The following CPT1A variants were observed in gnomAD, a reference collection of about 807,000 sequenced individuals.
The protein encoded by CPT1A is carnitine O-palmitoyltransferase 1, liver isoform.
A neutral mutation model predicts 100.8 loss-of-function variants in CPT1A; 64 were observed. That is an observed-to-expected ratio of 0.63 (90% CI 0.52 to 0.78). The LOEUF (loss-of-function observed/expected upper bound fraction) is 0.78, where lower values mean the gene tolerates loss of function less well. Among genes scored for constraint, CPT1A ranks in the 30% least tolerant of loss-of-function variants. The pLI is 0.00. For synonymous variants in CPT1A, 363 were observed against 396.0 expected (o/e 0.92, Z 0.99); for missense variants, 802 against 1,034.1 (o/e 0.78, Z 3.08).
At chr11:68,824,026 C>T (rs1856656302) in intron 1 of CPT1A, among the ~76,000 whole-genome samples, 4 of 152,056 alleles carry the variant, frequency 2.6e-5, no homozygotes, top group African/African-American at 9.7e-5. Flanking sequence ...GTGGGCAGAT[C>T]ACCTGAGGTC....
intron 1 of CPT1A, among the ~76,000 whole-genome samples, chr11:68,827,264 T>C (rs568043859): frequency 6.6e-6 from 1 of 151,864 alleles, no homozygotes; most frequent in African/African-American, 2.4e-5. Context: ...GCCCGGGAGG[T>C]TGAGGCTACA....
At chr11:68,810,220 T>C (rs985369512) in intron 3 of CPT1A, among the ~76,000 whole-genome samples, 1 of 151,906 alleles carries the variant, frequency 6.6e-6, no homozygotes, top group Non-Finnish European at 1.5e-5. Flanking sequence ...CATGAGAGAA[T>C]GAAAAGTACG....
At chr11:68,774,378 A>G (rs1855084568) in intron 13 of CPT1A, among the ~76,000 whole-genome samples, 1 of 152,068 alleles carries the variant, frequency 6.6e-6, no homozygotes, top group African/African-American at 2.4e-5. Flanking sequence ...AAATAGTCAC[A>G]CGTCATCTTA....
At chr11:68,759,791 G>A (rs1594314814) in intron 17 of CPT1A, 130 bp from the exon 18 acceptor site, 7 of 741,278 alleles carry the variant, frequency 9.4e-6, no homozygotes, top group Non-Finnish European at 1.2e-5. Flanking sequence ...ATTTTGGGAG[G>A]CTGAGGCAGG....
At chr11:68,791,469 G>A (rs1162547779) in intron 9 of CPT1A, among the ~76,000 whole-genome samples, 1 of 152,250 alleles carries the variant, frequency 6.6e-6, no homozygotes, top group Non-Finnish European at 1.5e-5. Flanking sequence ...GGACGACAGT[G>A]TGTGGCAGGA....
chr11:68,830,833 C>T (rs182482555), intron 1 of CPT1A, among the ~76,000 whole-genome samples: 34 of 152,354 alleles, frequency 2.2e-4, no homozygotes, highest in African/African-American at 7.9e-4. Context: ...CTACAAGAGA[C>T]ATTTAGCAAT....
intron 6 of CPT1A, among the ~76,000 whole-genome samples, chr11:68,797,786 TG>T (rs1855792417): frequency 6.6e-6 from 1 of 152,158 alleles, no homozygotes; most frequent in South Asian, 2.1e-4. Context: ...CGGACCTGCC[TG>T]GCCAACATGA....
At chr11:68,839,514 G>C in intron 1 of CPT1A, 1 of 985,494 alleles carries the variant, frequency 1.0e-6, no homozygotes, top group Non-Finnish European at 1.2e-6. Flanking sequence ...GCGCGTCCCT[G>C]TGGCCACCCC....
chr11:68,774,812 G>A (rs1464132997), intron 13 of CPT1A, among the ~76,000 whole-genome samples: 1 of 150,618 alleles, frequency 6.6e-6, no homozygotes, highest in African/African-American at 2.4e-5. Flanking sequence ...AAAAGAAAAT[G>A]GTATCTTGGA....
intron 2 of CPT1A, among the ~76,000 whole-genome samples, chr11:68,813,755 A>T (rs995917657): frequency 6.6e-6 from 1 of 151,958 alleles, no homozygotes; most frequent in Admixed American, 6.6e-5. Context: ...ACTGGGTTGA[A>T]TATGATGGCC....
At chr11:68,768,821 T>A (rs978935571) in intron 14 of CPT1A, among the ~76,000 whole-genome samples, 6 of 152,226 alleles carry the variant, frequency 3.9e-5, no homozygotes, top group Admixed American at 3.9e-4. Flanking sequence ...TGTTTCCAAC[T>A]GTGTGGTCTG....
At position 68,841,575 on chromosome 11, in the gene CPT1A, G is replaced by GC. The variant is rs1169082792; in HGVS notation, c.-14+199dup. ...CCCAATCCCCTGGGGAACATGGGGA[G>GC]CCCCGGCCTCTTTCTGGGTTCAGGA... On this transcript the variant is annotated intron_variant, in intron 1 of 18. Coordinates refer to ENST00000265641, the MANE Select transcript of CPT1A (RefSeq NM_001876.4). This position sits in a 1 kb window ranked among gnomAD's most constrained non-coding sequence, Gnocchi z 6.3. Among the ~76,000 whole-genome samples the GC allele has an allele frequency of 6.6e-6, 1 of 152,176 alleles. No homozygotes were observed. Among genetic ancestry groups the GC allele is most frequent in the Non-Finnish European group, 1.5e-5 (1 of 68,014 alleles).
chr11:68,822,959 G>A (rs1856624991), intron 1 of CPT1A, among the ~76,000 whole-genome samples: 1 of 152,310 alleles, frequency 6.6e-6, no homozygotes, highest in South Asian at 2.1e-4. Context: ...TCATGGGTAA[G>A]GAGTTGGGGG....
intron 1 of CPT1A, among the ~76,000 whole-genome samples, chr11:68,836,136 G>A (rs918831542): frequency 1.6e-4 from 25 of 152,164 alleles, no homozygotes; most frequent in African/African-American, 5.8e-4. Context: ...TGTGCAAACT[G>A]TACTGGACAT....
chr11:68,772,242 A>T (rs1417107917), intron 14 of CPT1A, among the ~76,000 whole-genome samples: 1 of 152,104 alleles, frequency 6.6e-6, no homozygotes, highest in Non-Finnish European at 1.5e-5. Context: ...AATCCCAGCT[A>T]CTCGGGAGGC....
intron 10 of CPT1A, among the ~76,000 whole-genome samples, chr11:68,784,276 T>A (rs1444584713): frequency 6.6e-6 from 1 of 152,200 alleles, no homozygotes; most frequent in Admixed American, 6.5e-5. Context: ...GAAAGGCTAA[T>A]CCTGGCCAGG....
Position 68,757,669 on chromosome 11 carries a change from CCAAA to C in CPT1A, c.2293_2296del (p.Phe765ValfsTer22). 1 of 1,614,078 alleles carries C rather than the reference CCAAA, an allele frequency of 6.2e-7. No homozygotes were observed. Among genetic ancestry groups the C allele is most frequent in the Non-Finnish European group, 8.5e-7 (1 of 1,180,002 alleles). On this transcript the variant is annotated frameshift_variant, in exon 19 of 19. Coordinates refer to ENST00000265641, the MANE Select transcript of CPT1A (RefSeq NM_001876.4). LOFTEE classifies it high-confidence loss of function. ...TTACTTTTTGGAATTAGAACTGAGA[CCAAA>C]CAAAGTGATGATGTCAGTCATTGCT...
At chr11:68,776,525 T>C (rs193176693) in intron 12 of CPT1A, among the ~76,000 whole-genome samples, 2 of 152,302 alleles carry the variant, frequency 1.3e-5, no homozygotes, top group East Asian at 3.9e-4. Context: ...GAAAGATTAG[T>C]GGTCATCAGG....
intron 1 of CPT1A, among the ~76,000 whole-genome samples, chr11:68,835,325 C>T (rs1856983506): frequency 6.6e-6 from 1 of 152,228 alleles, no homozygotes; most frequent in Admixed American, 6.5e-5. Flanking sequence ...TAAACCTCCT[C>T]TTCGTACCAG....
Sources: gnomAD v4.1 joint callset for allele counts (sites outside exome capture counted in the v4.1 genomes callset) on GRCh38, gnomAD v4.1.1 for gene constraint, Gnocchi (gnomAD v3.1) non-coding constraint, MANE v1.5 for transcripts, NCBI Gene and HGNC (gene_info 2026-07-23, HGNC 2026-07-21) for gene names.